Variants in PRR16 observed in about 807,000 individuals in gnomAD.
The protein encoded by PRR16 is protein Largen.
In PRR16, 6 loss-of-function variants were observed where a neutral mutation model predicts 18.2. The ratio of observed to expected loss-of-function variants is 0.33; its 90% CI spans 0.18 to 0.65. The LOEUF (loss-of-function observed/expected upper bound fraction) is 0.65, where lower values mean the gene tolerates loss of function less well. Among genes scored for constraint, PRR16 ranks in the 30% least tolerant of loss-of-function variants. The pLI, the probability that PRR16 is intolerant of heterozygous loss-of-function variation, is 0.74. For synonymous variants in PRR16, 151 were observed against 147.8 expected, an observed-to-expected ratio of 1.02 and a Z score of -0.16; for missense variants, 412 against 376.6, an observed-to-expected ratio of 1.09 and a Z score of -0.78.
chr5:120,791,724 G>T, the PRR16 span, among the ~76,000 whole-genome samples: 2 of 151,790 alleles, frequency 1.3e-5, no homozygotes, highest in Admixed American at 1.3e-4. Context: ...CAATCAAAAA[G>T]GGCTGTTTGT....
At chr5:120,664,905 C>T (rs887878293) in intron 1 of PRR16, among the ~76,000 whole-genome samples, 4 of 151,590 alleles carry the variant, frequency 2.6e-5, no homozygotes, top group African/African-American at 7.3e-5. Context: ...TGAATAGTGC[C>T]GCAATAAACA....
chr5:120,765,234 T>C, the PRR16 span, among the ~76,000 whole-genome samples: 5 of 152,088 alleles, frequency 3.3e-5, no homozygotes, highest in Non-Finnish European at 5.9e-5. Flanking sequence ...TTCCCTTACA[T>C]ATCGCATGTG....
At position 120,476,124 on chromosome 5, in the gene PRR16, C is replaced by T. The variant is rs530628555; in HGVS notation, c.159+11479C>T. On this transcript the variant is annotated intron_variant, in intron 1 of 1. Transcript: ENST00000407149. ...TGCCTTTTGTTCTCCTCTGCCAGTT[C>T]ATTCTCTAAACACTGCCAGATTAAT... Among the ~76,000 whole-genome samples, 102 of 152,282 alleles carry T rather than the reference C, an allele frequency of 6.7e-4. 2 individuals carry two copies. The Middle Eastern group carries it at 0.051, about 76-fold the overall frequency.
intron 1 of PRR16, among the ~76,000 whole-genome samples, chr5:120,630,729 G>A (rs1051808216): frequency 7.2e-5 from 11 of 151,980 alleles, no homozygotes; most frequent in East Asian, 5.8e-4. Context: ...CTCATTATCC[G>A]TGGTCTACAT....
At chr5:120,598,929 C>T (rs933660693) in intron 1 of PRR16, among the ~76,000 whole-genome samples, 1 of 151,666 alleles carries the variant, frequency 6.6e-6, no homozygotes, top group African/African-American at 2.4e-5. Flanking sequence ...TTTTGTTCAT[C>T]TTTTTAATTA....
At chr5:120,602,854 G>T (rs545539585) in intron 1 of PRR16, among the ~76,000 whole-genome samples, 1 of 152,166 alleles carries the variant, frequency 6.6e-6, no homozygotes, top group South Asian at 2.1e-4. Flanking sequence ...CTGTTTGTGT[G>T]ATGAATTACA....
the PRR16 span, among the ~76,000 whole-genome samples, chr5:120,697,591 G>A: frequency 6.6e-6 from 1 of 152,294 alleles, no homozygotes; most frequent in Non-Finnish European, 1.5e-5. Flanking sequence ...CTTTGTGTGA[G>A]CAACATGGCT....
chr5:120,516,589 A>C (rs1751003306), intron 1 of PRR16, among the ~76,000 whole-genome samples: 1 of 152,064 alleles, frequency 6.6e-6, no homozygotes, highest in African/African-American at 2.4e-5. Context: ...GTTTCTAAAG[A>C]ATATGAATGC....
At chr5:120,779,884 C>A in the PRR16 span, among the ~76,000 whole-genome samples, 1 of 152,058 alleles carries the variant, frequency 6.6e-6, no homozygotes, top group African/African-American at 2.4e-5. Context: ...AGCCTTGGGT[C>A]CTTTTCAAGA....
intron 1 of PRR16, among the ~76,000 whole-genome samples, chr5:120,656,043 C>G (rs1389131892): frequency 6.6e-6 from 1 of 151,852 alleles, no homozygotes; most frequent in Non-Finnish European, 1.5e-5. Flanking sequence ...CAAATTCCAA[C>G]TGGGACTTGG....
At chr5:120,624,666 G>C (rs1391044766) in intron 1 of PRR16, among the ~76,000 whole-genome samples, 1 of 152,100 alleles carries the variant, frequency 6.6e-6, no homozygotes, top group Non-Finnish European at 1.5e-5. Flanking sequence ...TTTTAAATGA[G>C]TTACTACTTT....
chr5:120,713,397 A>G, the PRR16 span, among the ~76,000 whole-genome samples: 1 of 152,166 alleles, frequency 6.6e-6, no homozygotes, highest in Non-Finnish European at 1.5e-5. Context: ...AATCCAGACA[A>G]GTTTTCAGGT....
rs148444367 is a variant in PRR16 at position 120,481,120 on chromosome 5, T to C, written c.159+16475T>C. 499 of 1,193,600 alleles carry C rather than the reference T, an allele frequency of 4.2e-4. 2 individuals carry two copies. In the African/African-American group the frequency reaches 7.3e-3, roughly 18 times the overall value. The allele number at this position is 1,193,600 out of a possible 1,614,324, so 73.9% of individuals were successfully genotyped here. A position where few individuals can be genotyped will look rare whatever the true frequency, so the allele number is the denominator to read the frequency against. ...TGTGAATTTTCAAATTAAACACAGCTACTTTACCAATGTTTTAAAATATAT... is the reference window on the plus strand; with the variant it reads ...TGTGAATTTTCAAATTAAACACAGCCACTTTACCAATGTTTTAAAATATAT... On this transcript the variant is annotated intron_variant, in intron 1 of 1. Transcript: ENST00000407149.
rs1373868248 is a variant in PRR16, at chr5:120,542,588, C to A, written c.159+77943C>A. The stretch of plus-strand genomic sequence containing the variant: ...ATACCACCTCTCATTTAATCTCCAT[C>A]TTTTCAACATAAAAACAAAAACAGA... On this transcript the variant is annotated intron_variant, in intron 1 of 1. Transcript: ENST00000407149. Among the ~76,000 whole-genome samples, 5 of 152,108 alleles carry A rather than the reference C, an allele frequency of 3.3e-5. No individual in the cohort carries two copies. The East Asian group carries it at 7.7e-4, about 23-fold the overall frequency.
chr5:120,761,709 G>A, the PRR16 span, among the ~76,000 whole-genome samples: 1 of 151,926 alleles, frequency 6.6e-6, no homozygotes, highest in African/African-American at 2.4e-5. Flanking sequence ...TCATTTCTAT[G>A]TGTTGGGAAC....
At chr5:120,698,804 T>G in the PRR16 span, among the ~76,000 whole-genome samples, 3 of 152,222 alleles carry the variant, frequency 2.0e-5, no homozygotes, top group East Asian at 5.8e-4. Context: ...TAAAAGACCT[T>G]TAGTCCGTTC....
intron 1 of PRR16, among the ~76,000 whole-genome samples, chr5:120,526,703 C>T (rs1405350006): frequency 6.6e-6 from 1 of 152,162 alleles, no homozygotes; most frequent in Non-Finnish European, 1.5e-5. Flanking sequence ...ATGCCCTGAT[C>T]TCTGAAAAAT....
intron 1 of PRR16, among the ~76,000 whole-genome samples, chr5:120,607,343 G>A (rs1294415511): frequency 6.6e-6 from 1 of 152,130 alleles, no homozygotes; most frequent in Non-Finnish European, 1.5e-5. Flanking sequence ...GATATGATGT[G>A]AAATATGATA....
chr5:120,747,570 T>C, the PRR16 span, among the ~76,000 whole-genome samples: 1 of 152,088 alleles, frequency 6.6e-6, no homozygotes, highest in Non-Finnish European at 1.5e-5. Flanking sequence ...AGCAACATTG[T>C]GTGTTAACTA....
Sources: allele counts gnomAD v4.1 joint callset (sites outside exome capture counted in the v4.1 genomes callset), GRCh38; gene constraint gnomAD v4.1.1; transcripts MANE v1.5; gene names NCBI Gene and HGNC (gene_info 2026-07-23, HGNC 2026-07-21).